The following ARHGEF28 variants were observed in gnomAD, a reference collection of about 807,000 sequenced individuals.
ARHGEF28 encodes the protein 190 kDa guanine nucleotide exchange factor.
A neutral mutation model predicts 206.6 loss-of-function variants in ARHGEF28; 152 were observed. The observed-to-expected ratio is 0.74, with a 90% CI of 0.64 to 0.84. The LOEUF (loss-of-function observed/expected upper bound fraction) is 0.84, where lower values mean the gene tolerates loss of function less well. Among genes scored for constraint, ARHGEF28 ranks in the 40% least tolerant of loss-of-function variants. The pLI is 0.00. For missense variants in ARHGEF28, 2,028 were observed against 2,073.2 expected (o/e 0.98, Z 0.42); for synonymous variants, 763 against 776.4 (o/e 0.98, Z 0.29).
rs192082623 is a variant in ARHGEF28 at position 73,810,752 on chromosome 5, T to C, written c.1024+15361T>C. 4.7e-3 allele frequency among the ~76,000 whole-genome samples: 717 copies of C among 152,340 alleles called. 4 individuals are homozygous for C. The highest frequency in any genetic ancestry group is 5.2e-3 in the Non-Finnish European group (351 of 68,024). On this transcript the variant is annotated intron_variant, in intron 9 of 35. Transcript: ENST00000513042. ...GTTTTCCCTCAGGCCCCTTCCTCCA[T>C]TCTGATGCCTCTGAGAAATTCTGCC...
At chr5:73,825,071 A>T (rs550759956) in intron 9 of ARHGEF28, among the ~76,000 whole-genome samples, 2 of 152,266 alleles carry the variant, frequency 1.3e-5, no homozygotes, top group South Asian at 4.1e-4. Flanking sequence ...GCCTGCCTGT[A>T]TGGTTCTAGG....
chr5:73,661,939 G>A (rs1745622143), intron 1 of ARHGEF28, among the ~76,000 whole-genome samples: 1 of 152,130 alleles, frequency 6.6e-6, no homozygotes, highest in Non-Finnish European at 1.5e-5. Flanking sequence ...AAAAATAGTG[G>A]GGATAGACTT....
rs10655836 is a variant in ARHGEF28, at chr5:73,643,814, C to CAAAAAA, written c.-12+17505_-12+17510dup. ...TGGGAAAAAGGGTGAGGCCCTGTCT[C>CAAAAAA]AAAAAAAAAAAAAAAAAATTCACTG... On this transcript the variant is annotated intron_variant, in intron 1 of 35. Transcript: ENST00000513042. Among the ~76,000 whole-genome samples, 140 of 123,066 alleles carry CAAAAAA rather than the reference C, an allele frequency of 1.1e-3. 2 individuals carry two copies. Among genetic ancestry groups the CAAAAAA allele is most frequent in the African/African-American group, 3.7e-3 (127 of 34,390 alleles). The allele number at this position is 123,066 out of a possible 152,430, so 80.7% of individuals were successfully genotyped here. A position where few individuals can be genotyped will look rare whatever the true frequency, so the allele number is the denominator to read the frequency against.
chr5:73,759,188 A>G (rs1752473917), intron 4 of ARHGEF28, among the ~76,000 whole-genome samples: 1 of 152,228 alleles, frequency 6.6e-6, no homozygotes, highest in African/African-American at 2.4e-5. Context: ...AGTCAGATTA[A>G]GAGTACACTC....
chr5:73,698,799 C>T (rs1308464885), intron 2 of ARHGEF28, among the ~76,000 whole-genome samples: 5 of 151,926 alleles, frequency 3.3e-5, no homozygotes, highest in African/African-American at 1.2e-4. Flanking sequence ...ACAATGGAGA[C>T]TGGAATTAGC....
chr5:73,670,054 A>G (rs1746213414), intron 1 of ARHGEF28, among the ~76,000 whole-genome samples: 1 of 152,172 alleles, frequency 6.6e-6, no homozygotes, highest in Admixed American at 6.5e-5. Context: ...GTGTAAGTTC[A>G]TGTATCTACA....
chr5:73,702,935 T>G (rs1322071507), intron 2 of ARHGEF28, among the ~76,000 whole-genome samples: 2 of 152,240 alleles, frequency 1.3e-5, no homozygotes, highest in Non-Finnish European at 2.9e-5. Context: ...TGAATGTGTT[T>G]GGATCCTGAG....
At chr5:73,737,256 G>C (rs1751001502) in intron 2 of ARHGEF28, among the ~76,000 whole-genome samples, 1 of 151,716 alleles carries the variant, frequency 6.6e-6, no homozygotes. Context: ...TCCTGGTGGG[G>C]TGAATCTTTC....
In ARHGEF28 at chr5:73,904,530, A is replaced by G. The variant is rs545258353; in HGVS notation, c.4161+125A>G. 3.0e-5 allele frequency: 32 copies of G among 1,060,904 alleles called. No homozygotes were observed. In the East Asian group the frequency reaches 3.3e-4, roughly 11 times the overall value. 65.7% of individuals were successfully genotyped at this position (1,060,904 alleles called of 1,614,324 possible). On this transcript the variant is annotated intron_variant, in intron 33 of 35. Transcript: ENST00000513042. ...AGGGAATGATCTTAAAAGAATGACA[A>G]CCTTCTAAGTGTGATGTGTTGGACT...
intron 2 of ARHGEF28, among the ~76,000 whole-genome samples, chr5:73,719,364 T>A (rs1171378055): frequency 6.8e-6 from 1 of 147,084 alleles, no homozygotes; most frequent in Non-Finnish European, 1.5e-5. Context: ...TGAGCCGAGA[T>A]CACGCCGCTG....
intron 35 of ARHGEF28, among the ~76,000 whole-genome samples, chr5:73,928,626 A>G (rs1726704426): frequency 6.6e-6 from 1 of 152,144 alleles, no homozygotes; most frequent in South Asian, 2.1e-4. Context: ...CCTCTACTGA[A>G]CCAGTAAGAA....
At chr5:73,852,745 A>T (rs1758783705) in intron 14 of ARHGEF28, 53 bp downstream of exon 14, 9 of 1,566,778 alleles carry the variant, frequency 5.7e-6, no homozygotes, top group Non-Finnish European at 7.9e-6. Flanking sequence ...CTTCTTTGGA[A>T]ATGTCCACAC....
At position 73,929,734 on chromosome 5, in the gene ARHGEF28, A is replaced by G. The variant is rs559545004; in HGVS notation, c.4949-11110A>G. Among the ~76,000 whole-genome samples the G allele has an allele frequency of 5.3e-5, 8 of 152,250 alleles. No homozygotes were observed. In the East Asian group the frequency reaches 1.5e-3, roughly 29 times the overall value. On this transcript the variant is annotated intron_variant, in intron 35 of 35. Transcript: ENST00000513042. The stretch of plus-strand genomic sequence containing the variant: ...GATATTGCTAAAGGCCCTTACCCAT[A>G]TCTTTTCCTTTGTTTTTCCTACTTA...
intron 9 of ARHGEF28, among the ~76,000 whole-genome samples, chr5:73,798,493 G>A (rs79123928): frequency 5.9e-5 from 9 of 152,150 alleles, no homozygotes; most frequent in African/African-American, 1.7e-4. Context: ...AACCAGCTCC[G>A]CAAGGAGCTG....
In ARHGEF28 at chr5:73,901,246, G is replaced by C. The variant is rs1762251080; in HGVS notation, c.4036G>C (p.Val1346Leu). 1 of 1,613,372 alleles carries C rather than the reference G, an allele frequency of 6.2e-7. No individual in the cohort carries two copies. Among genetic ancestry groups the C allele is most frequent in the African/African-American group, 1.3e-5 (1 of 74,868 alleles). ...GGATGTGGATCCCGGGATCCAGGGT[G>C]TGGTAACCGACTTGGCCGTCTCTGA... ...CSDVDPGIQG[V>L]VTDLAVSDAG... The change falls in exon 31 of 36, where the codon GTG (valine) becomes CTG (leucine). Residue 1346 changes from valine to leucine, a missense_variant. This residue lies in a region of ARHGEF28 where 803 missense variants were observed against 768.0 expected (regional missense o/e 1.05). Coordinates refer to ENST00000513042, the MANE Select transcript of ARHGEF28 (RefSeq NM_001177693.2).
chr5:73,891,991 T>C, intron 26 of ARHGEF28, 61 bp from the exon 27 acceptor site: 1 of 1,475,492 alleles, frequency 6.8e-7, no homozygotes, highest in Admixed American at 2.1e-5. Context: ...AGCTCATGTT[T>C]TACGGAGCCT....
chr5:73,627,687 G>A (rs1463846514), intron 1 of ARHGEF28, among the ~76,000 whole-genome samples: 1 of 152,200 alleles, frequency 6.6e-6, no homozygotes, highest in African/African-American at 2.4e-5. Context: ...GTATTTCAAT[G>A]TAATGTTCTG....
intron 9 of ARHGEF28, among the ~76,000 whole-genome samples, chr5:73,810,012 GA>G (rs200779340): frequency 6.6e-6 from 1 of 151,572 alleles, no homozygotes; most frequent in Non-Finnish European, 1.5e-5. Context: ...ATAAACTACA[GA>G]AAAAAAACCC....
intron 2 of ARHGEF28, among the ~76,000 whole-genome samples, chr5:73,706,036 T>A (rs1275975152): frequency 6.6e-6 from 1 of 152,068 alleles, no homozygotes; most frequent in Non-Finnish European, 1.5e-5. Context: ...CCCAGAAGGG[T>A]GGAACTTCCA....
Sources: allele counts gnomAD v4.1 joint callset (sites outside exome capture counted in the v4.1 genomes callset), GRCh38; gene constraint gnomAD v4.1.1; regional missense constraint gnomAD v4.1.1; transcripts MANE v1.5; gene names NCBI Gene and HGNC (gene_info 2026-07-23, HGNC 2026-07-21).